Variants in CCDC141 observed in about 807,000 individuals in gnomAD.
CCDC141 encodes coiled-coil domain containing 141.
Under a neutral mutation model 181.0 loss-of-function variants are expected in CCDC141, and 168 were observed. That is an observed-to-expected ratio of 0.93 (90% confidence interval 0.82 to 1.05). The LOEUF (loss-of-function observed/expected upper bound fraction) is 1.05, where lower values mean the gene tolerates loss of function less well. Ranked by LOEUF, CCDC141 falls within the 50% of genes least tolerant of loss-of-function variation. The pLI is 0.00. For missense variants in CCDC141, 1,902 were observed against 1,788.5 expected, an observed-to-expected ratio of 1.06 and a Z score of -1.14; for synonymous variants, 666 against 642.3, an observed-to-expected ratio of 1.04 and a Z score of -0.56.
At chr2:178,962,589 C>CTTCT (rs908587306) in intron 4 of CCDC141, among the ~76,000 whole-genome samples, 2 of 151,846 alleles carry the variant, frequency 1.3e-5, no homozygotes, top group East Asian at 1.9e-4. Flanking sequence ...TTTCCCTCCC[C>CTTCT]TTCTTTCTTT....
chr2:179,038,879 A>G (rs1030142239), intron 2 of CCDC141, among the ~76,000 whole-genome samples: 1 of 152,202 alleles, frequency 6.6e-6, no homozygotes, highest in Non-Finnish European at 1.5e-5. Context: ...TCTTACAGTC[A>G]TAATTCCCCT....
intron 2 of CCDC141, among the ~76,000 whole-genome samples, chr2:178,982,518 G>A (rs1369827320): frequency 6.6e-6 from 1 of 152,220 alleles, no homozygotes; most frequent in Non-Finnish European, 1.5e-5. Flanking sequence ...GAGCGACGCA[G>A]AAGACGGGTG....
At chr2:178,980,002 T>TA (rs1183818141) in intron 2 of CCDC141, among the ~76,000 whole-genome samples, 5 of 152,198 alleles carry the variant, frequency 3.3e-5, no homozygotes, top group African/African-American at 1.2e-4. Flanking sequence ...CTAAATTATT[T>TA]AAAAAATAAA....
the CCDC141 span, among the ~76,000 whole-genome samples, chr2:178,822,696 C>T: frequency 1.3e-5 from 2 of 152,116 alleles, no homozygotes; most frequent in Non-Finnish European, 2.9e-5. Context: ...ATTCAGATGG[C>T]CCTATGTTTC....
chr2:178,870,958 C>A (rs1329636126), intron 14 of CCDC141, among the ~76,000 whole-genome samples: 1 of 151,954 alleles, frequency 6.6e-6, no homozygotes, highest in Non-Finnish European at 1.5e-5. Flanking sequence ...GAGGGCACAG[C>A]AAAATTCCTG....
chr2:178,847,509 C>A (rs529477264), intron 21 of CCDC141, among the ~76,000 whole-genome samples: 1 of 152,196 alleles, frequency 6.6e-6, no homozygotes, highest in South Asian at 2.1e-4. Context: ...CCAGCCTGGG[C>A]AACAGAGCAA....
intron 17 of CCDC141, among the ~76,000 whole-genome samples, chr2:178,857,067 CA>C (rs1685419847): frequency 6.6e-6 from 1 of 152,178 alleles, no homozygotes; most frequent in Non-Finnish European, 1.5e-5. Flanking sequence ...ACATATCATA[CA>C]TAAATTTTAA....
intron 17 of CCDC141, among the ~76,000 whole-genome samples, chr2:178,864,962 C>A (rs1194229206): frequency 6.6e-6 from 1 of 152,212 alleles, no homozygotes; most frequent in Non-Finnish European, 1.5e-5. Flanking sequence ...GTTCTGCTAT[C>A]ACTTCCCAGT....
chr2:178,880,857 T>C (rs1686570401), intron 11 of CCDC141, among the ~76,000 whole-genome samples: 2 of 152,208 alleles, frequency 1.3e-5, no homozygotes, highest in African/African-American at 4.8e-5. Context: ...GGTGGAGTCA[T>C]TAACCCAATG....
intron 4 of CCDC141, among the ~76,000 whole-genome samples, chr2:178,966,451 C>G (rs952664660): frequency 1.3e-5 from 2 of 152,130 alleles, no homozygotes; most frequent in Admixed American, 1.3e-4. Flanking sequence ...GTTCTGCAGC[C>G]TCCACTGGTG....
chr2:178,950,018 G>A (rs1188844282), intron 5 of CCDC141, among the ~76,000 whole-genome samples: 1 of 152,192 alleles, frequency 6.6e-6, no homozygotes, highest in African/African-American at 2.4e-5. Context: ...TGGAGGAGGT[G>A]AGCTAGCAAT....
chr2:178,887,331 C>A lies in CCDC141; in HGVS notation c.1408-460G>T, dbSNP rs528019575. 2.6e-5 allele frequency among the ~76,000 whole-genome samples: 4 copies of A among 152,228 alleles called. No individual in the cohort carries two copies. The East Asian group carries it at 7.7e-4, about 29-fold the overall frequency. On this transcript the variant is annotated intron_variant, in intron 9 of 23. Transcript: ENST00000443758. ...CTCTGGGGGAGCACCAAACCCTGGA[C>A]GTGTTATAGTAAAACACAGGGACAT...
chr2:178,910,495 C>T (rs1049561084), intron 7 of CCDC141, among the ~76,000 whole-genome samples: 1 of 152,144 alleles, frequency 6.6e-6, no homozygotes, highest in Non-Finnish European at 1.5e-5. Flanking sequence ...CACCAGATTC[C>T]ATTACCTGTA....
At position 179,034,360 on chromosome 2, in the gene CCDC141, G is replaced by GGAGGAAT. The variant is rs139630204; in HGVS notation, c.225+12917_225+12923dup. On this transcript the variant is annotated intron_variant, in intron 2 of 23. Transcript: ENST00000443758. ...GGGTCCTAATGGAGGGTAGAGGGTG[G>GGAGGAAT]GAGGAATGAGAGGATCAGGAAAAAC... Among the ~76,000 whole-genome samples, 4 of 152,118 alleles carry GGAGGAAT rather than the reference G, an allele frequency of 2.6e-5. No homozygotes were observed. The East Asian group carries it at 7.7e-4, about 29-fold the overall frequency.
chr2:178,966,441 G>A (rs1380320339), intron 4 of CCDC141, among the ~76,000 whole-genome samples: 1 of 152,198 alleles, frequency 6.6e-6, no homozygotes, highest in Non-Finnish European at 1.5e-5. Context: ...AGTCTTTGCT[G>A]TTCTGCAGCC....
intron 11 of CCDC141, among the ~76,000 whole-genome samples, chr2:178,884,517 C>T (rs1686783895): frequency 6.6e-6 from 1 of 152,130 alleles, no homozygotes; most frequent in Non-Finnish European, 1.5e-5. Flanking sequence ...TGTAGATTTG[C>T]TGAGGCTAAT....
Position 179,049,955 on chromosome 2 carries a change from C to G in CCDC141, c.-14G>C. On this transcript the variant is annotated 5_prime_UTR_variant, in exon 1 of 24. Coordinates refer to ENST00000443758, the MANE Select transcript of CCDC141 (RefSeq NM_173648.4). Reference sequence around the variant, plus strand: ...TTGGCTGGACATGGTACTTTAGAACCAGAGTTTATACTTTGGGCAGCCTCT... The same window carrying G: ...TTGGCTGGACATGGTACTTTAGAACGAGAGTTTATACTTTGGGCAGCCTCT... 7.1e-6 allele frequency: 11 copies of G among 1,550,326 alleles called. No individual in the cohort carries two copies. The highest frequency in any genetic ancestry group is 9.6e-6 in the Non-Finnish European group (11 of 1,146,822).
chr2:178,954,109 T>A (rs2154378223), intron 5 of CCDC141, among the ~76,000 whole-genome samples: 1 of 152,332 alleles, frequency 6.6e-6, no homozygotes, highest in African/African-American at 2.4e-5. Flanking sequence ...ATGTCTTAAT[T>A]CTCCTAGACG....
In CCDC141 at chr2:179,049,920, T is replaced by C; in HGVS notation, c.22A>G (p.Ser8Gly). The C allele has an allele frequency of 6.4e-7, 1 of 1,550,632 alleles. No individual in the cohort carries two copies. The highest frequency in any genetic ancestry group is 8.7e-7 in the Non-Finnish European group (1 of 1,146,940). The change falls in exon 1 of 24, where the codon AGT (serine) becomes GGT (glycine). Residue 8 changes from serine to glycine, a missense_variant. Ser to Gly is a moderately conservative substitution (Grantham distance 56, BLOSUM62 0). Transcript: ENST00000443758. MSSQGSP[S>G]VALSTTTVSS... ...ACTGTCGTCGTAGAAAGCGCAACAC[T>C]AGGACTTCCTTGGCTGGACATGGTA... is the stretch of plus-strand genomic sequence containing the variant.
Sources: allele counts gnomAD v4.1 joint callset (sites outside exome capture counted in the v4.1 genomes callset), GRCh38; gene constraint gnomAD v4.1.1; transcripts MANE v1.5; gene names NCBI Gene and HGNC (gene_info 2026-07-23, HGNC 2026-07-21).